Variants in ZNF791 observed in about 807,000 individuals in gnomAD.
ZNF791 encodes zinc finger protein 791.
In ZNF791, 4 loss-of-function variants were observed where a neutral mutation model predicts 11.5. That is an observed-to-expected ratio of 0.35 (90% CI 0.17 to 0.80). The LOEUF (loss-of-function observed/expected upper bound fraction) is 0.80. ZNF791 is among the 30% of genes least tolerant of loss of function. The pLI is 0.53. For missense variants in ZNF791, 559 were observed against 699.4 expected, an observed-to-expected ratio of 0.80 and a Z score of 2.26; for synonymous variants, 212 against 228.1, an observed-to-expected ratio of 0.93 and a Z score of 0.64.
intron 1 of ZNF791, among the ~76,000 whole-genome samples, chr19:12,622,981 G>A (rs1434458292): frequency 6.6e-6 from 1 of 152,056 alleles, no homozygotes; most frequent in African/African-American, 2.4e-5. Flanking sequence ...GTGAAGCTGA[G>A]GCAGGAGGAT....
chr19:12,621,013 G>A (rs1247729277), intron 1 of ZNF791, among the ~76,000 whole-genome samples: 1 of 151,458 alleles, frequency 6.6e-6, no homozygotes, highest in Non-Finnish European at 1.5e-5. Context: ...CACCTGCCTC[G>A]GCCTCCCACA....
At chr19:12,611,762 A>G (rs2145175065) in intron 1 of ZNF791, among the ~76,000 whole-genome samples, 1 of 152,318 alleles carries the variant, frequency 6.6e-6, no homozygotes, top group Non-Finnish European at 1.5e-5. Flanking sequence ...CAGGGCACAG[A>G]CATCCTATGG....
chr19:12,625,837 C>T (rs1262687822), intron 3 of ZNF791, among the ~76,000 whole-genome samples: 2 of 149,460 alleles, frequency 1.3e-5, no homozygotes, highest in African/African-American at 4.9e-5. Flanking sequence ...TACTTGGGAA[C>T]AGTTTTGTTT....
At chr19:12,611,249 G>C (rs571307038) in intron 1 of ZNF791, among the ~76,000 whole-genome samples, 167 bp downstream of exon 1, 31 of 152,334 alleles carry the variant, frequency 2.0e-4, no homozygotes, top group Middle Eastern at 6.8e-3. Context: ...AGCCCTCTCT[G>C]GACAACTCCG....
chr19:12,623,834 T>C lies in ZNF791; in HGVS notation c.130+8T>C. 1 of 1,347,610 alleles carries C rather than the reference T, an allele frequency of 7.4e-7. No homozygotes were observed. The highest frequency in any genetic ancestry group is 1.3e-5 in the South Asian group (1 of 78,008). 83.5% of individuals were successfully genotyped at this position (1,347,610 alleles called of 1,614,324 possible). A position where few individuals can be genotyped will look rare whatever the true frequency, so the allele number is the denominator to read the frequency against. On this transcript the variant is annotated splice_region_variant and intron_variant, in intron 2 of 3. Coordinates refer to ENST00000343325, the MANE Select transcript of ZNF791 (RefSeq NM_153358.3). ...AGAACCTGGCATCTATAGGTAAGGATGACATCATTTTTTCTTTTTTCTTTT... is the reference window on the plus strand; with the variant it reads ...AGAACCTGGCATCTATAGGTAAGGACGACATCATTTTTTCTTTTTTCTTTT...
intron 1 of ZNF791, among the ~76,000 whole-genome samples, chr19:12,614,961 C>T: frequency 9.1e-6 from 1 of 109,736 alleles, no homozygotes; most frequent in Admixed American, 1.2e-4. Context: ...CCAAGCTGGT[C>T]TGGAACTCCT....
At chr19:12,622,903 AAAAAAAAGAAAG>A (rs1414669636) in intron 1 of ZNF791, among the ~76,000 whole-genome samples, 1 of 108,954 alleles carries the variant, frequency 9.2e-6, no homozygotes, top group Non-Finnish European at 2.1e-5. Flanking sequence ...CAAAAAAAAA[AAAAAAAAGAAAG>A]AAAAAAAACC....
At chr19:12,619,999 C>CT in intron 1 of ZNF791, among the ~76,000 whole-genome samples, 1 of 151,994 alleles carries the variant, frequency 6.6e-6, no homozygotes, top group East Asian at 1.9e-4. Flanking sequence ...TCTCGGCTCA[C>CT]TGCAAGCTCC....
At position 12,628,596 on chromosome 19, in the gene ZNF791, A is replaced by G. The variant is rs148416734; in HGVS notation, c.1067A>G (p.Tyr356Cys). 6.9e-6 allele frequency: 11 copies of G among 1,602,212 alleles called. No individual in the cohort carries two copies. Among genetic ancestry groups the G allele is most frequent in the East Asian group, 2.2e-5 (1 of 44,774 alleles). The change falls in exon 4 of 4, where the codon TAT (tyrosine) becomes TGT (cysteine). Residue 356 changes from tyrosine to cysteine, a missense_variant. Coordinates refer to ENST00000343325, the MANE Select transcript of ZNF791 (RefSeq NM_153358.3). ...HVRVHTGEKP[Y>C]KCKECGKAFS... ...AGAGTGCATACTGGAGAGAAACCCT[A>G]TAAGTGTAAAGAATGTGGGAAAGCC...
rs141405595 is a variant in ZNF791, at chr19:12,612,154, C to T, written c.3+1072C>T. 24 of 895,200 alleles carry T rather than the reference C, an allele frequency of 2.7e-5. No individual in the cohort carries two copies. In the African/African-American group the frequency reaches 4.2e-4, roughly 16 times the overall value. 55.5% of individuals were successfully genotyped at this position (895,200 alleles called of 1,614,324 possible). A position where few individuals can be genotyped will look rare whatever the true frequency, so the allele number is the denominator to read the frequency against. ...TAGAAGCATTCAGATAGAAGTAATACTTTTGTAAACTATTTATTGCCATGG... is the reference window on the plus strand; with the variant it reads ...TAGAAGCATTCAGATAGAAGTAATATTTTTGTAAACTATTTATTGCCATGG... On this transcript the variant is annotated intron_variant, in intron 1 of 3. Coordinates refer to ENST00000343325, the MANE Select transcript of ZNF791 (RefSeq NM_153358.3).
Position 12,629,855 on chromosome 19 carries a change from T to G in ZNF791, c.*595T>G. The G allele has an allele frequency of 7.8e-6, 1 of 129,006 alleles. No individual in the cohort carries two copies. The highest frequency in any genetic ancestry group is 2.2e-4 in the East Asian group (1 of 4,476). The allele number at this position is 129,006 out of a possible 1,614,324, so 8.0% of individuals were successfully genotyped here. A position where few individuals can be genotyped will look rare whatever the true frequency, so the allele number is the denominator to read the frequency against. ...TGAGATCCGGCCAACAGAGCGAGACTCTGTCTCAAAAAAAAAAAAAAAAAA... is the reference window on the plus strand; with the variant it reads ...TGAGATCCGGCCAACAGAGCGAGACGCTGTCTCAAAAAAAAAAAAAAAAAA... On this transcript the variant is annotated 3_prime_UTR_variant, in exon 4 of 4. Coordinates refer to ENST00000343325, the MANE Select transcript of ZNF791 (RefSeq NM_153358.3).
rs1340704437 is a variant in ZNF791, at chr19:12,630,628, T to TA, written c.*1369dup. Reference sequence around the variant, plus strand: ...TATTCCCGGAAAAACTTTGTTATGATAGGCGATGACGGCTCCATGTGCAGG... The same window carrying TA: ...TATTCCCGGAAAAACTTTGTTATGATAAGGCGATGACGGCTCCATGTGCAGG... On this transcript the variant is annotated 3_prime_UTR_variant, in exon 4 of 4. Coordinates refer to ENST00000343325, the MANE Select transcript of ZNF791 (RefSeq NM_153358.3). 1 of 152,196 alleles carries TA rather than the reference T, an allele frequency of 6.6e-6. No homozygotes were observed. Among genetic ancestry groups the TA allele is most frequent in the Non-Finnish European group, 1.5e-5 (1 of 68,032 alleles). The allele number at this position is 152,196 out of a possible 1,614,324, so 9.4% of individuals were successfully genotyped here. A position where few individuals can be genotyped will look rare whatever the true frequency, so the allele number is the denominator to read the frequency against.
chr19:12,615,306 A>G (rs1171880146), intron 1 of ZNF791, among the ~76,000 whole-genome samples: 1 of 151,972 alleles, frequency 6.6e-6, no homozygotes, highest in East Asian at 1.9e-4. Flanking sequence ...ATTTCTTGAC[A>G]TCCAAAGATA....
Position 12,628,591 on chromosome 19 carries a change from A to G in ZNF791, c.1062A>G (p.Lys354=). The stretch of plus-strand genomic sequence containing the variant: ...ACGTGAGAGTGCATACTGGAGAGAA[A>G]CCCTATAAGTGTAAAGAATGTGGGA... ...RVHVRVHTGE[K]PYKCKECGKA... Residue 354 remains lysine, a synonymous_variant, in exon 4 of 4, where the codon AAA becomes AAG. Coordinates refer to ENST00000343325, the MANE Select transcript of ZNF791 (RefSeq NM_153358.3). 2 of 1,598,272 alleles carry G rather than the reference A, an allele frequency of 1.3e-6. No homozygotes were observed. The highest frequency in any genetic ancestry group is 1.3e-5 in the African/African-American group (1 of 74,084).
chr19:12,625,268 G>T (rs912391725), intron 3 of ZNF791, among the ~76,000 whole-genome samples: 1 of 150,480 alleles, frequency 6.6e-6, no homozygotes. Flanking sequence ...TTACAGGGAC[G>T]TGCCACCACA....
At chr19:12,621,123 A>T (rs1474004666) in intron 1 of ZNF791, among the ~76,000 whole-genome samples, 1 of 152,134 alleles carries the variant, frequency 6.6e-6, no homozygotes, top group Non-Finnish European at 1.5e-5. Context: ...CAAATTCACC[A>T]TCAGACCATT....
rs936325977 is a variant in ZNF791, at chr19:12,632,099, T to C, written c.*2839T>C. 3.9e-5 allele frequency: 6 copies of C among 151,992 alleles called. No individual in the cohort carries two copies. The highest frequency in any genetic ancestry group is 6.6e-5 in the Admixed American group (1 of 15,240). 9.4% of individuals were successfully genotyped at this position (151,992 alleles called of 1,614,324 possible). A position where few individuals can be genotyped will look rare whatever the true frequency, so the allele number is the denominator to read the frequency against. On this transcript the variant is annotated 3_prime_UTR_variant, in exon 4 of 4. Transcript: ENST00000343325. ...CCTCAGCCTCCCCAGTAGCTGGGACTGCAGGCGCCCGCCACCATGCCCAGC... is the reference window on the plus strand; with the variant it reads ...CCTCAGCCTCCCCAGTAGCTGGGACCGCAGGCGCCCGCCACCATGCCCAGC...
chr19:12,617,917 T>G (rs991779229), intron 1 of ZNF791, among the ~76,000 whole-genome samples: 1 of 144,478 alleles, frequency 6.9e-6, no homozygotes, highest in Non-Finnish European at 1.5e-5. Context: ...ATTTTGCTTT[T>G]TTTTTTTTTT....
chr19:12,622,558 A>G (rs2023370210), intron 1 of ZNF791, among the ~76,000 whole-genome samples: 1 of 151,762 alleles, frequency 6.6e-6, no homozygotes, highest in Non-Finnish European at 1.5e-5. Flanking sequence ...CCGGGGCAGG[A>G]GGATCACTTG....
Sources: allele counts gnomAD v4.1 joint callset (sites outside exome capture counted in the v4.1 genomes callset), GRCh38; gene constraint gnomAD v4.1.1; transcripts MANE v1.5; gene names NCBI Gene and HGNC (gene_info 2026-07-23, HGNC 2026-07-21).